SCAMP1: variants seen among roughly 807,000 people sequenced by gnomAD.
SCAMP1 encodes secretory carrier membrane protein 1, also known as secretory carrier-associated membrane protein 1.
SCAMP1 carries 15 observed loss-of-function variants against 41.8 expected under a neutral mutation model. The ratio of observed to expected loss-of-function variants is 0.36; its 90% CI spans 0.24 to 0.55. SCAMP1 has a LOEUF of 0.55. Among genes scored for constraint, SCAMP1 ranks in the 20% least tolerant of loss-of-function variants. The pLI is 0.86. For synonymous variants in SCAMP1, 135 were observed against 136.8 expected, an observed-to-expected ratio of 0.99 and a Z score of 0.09; for missense variants, 341 against 412.6, an observed-to-expected ratio of 0.83 and a Z score of 1.50.
At chr5:78,419,348 T>C (rs937321681) in intron 5 of SCAMP1, among the ~76,000 whole-genome samples, 16 of 152,246 alleles carry the variant, frequency 1.1e-4, no homozygotes, top group Non-Finnish European at 1.8e-4. Flanking sequence ...GTGTTCTTTT[T>C]ATAGCTTTGA....
intron 8 of SCAMP1, among the ~76,000 whole-genome samples, chr5:78,469,474 C>CAAAA (rs749920453): frequency 7.4e-6 from 1 of 135,862 alleles, no homozygotes; most frequent in Non-Finnish European, 1.6e-5. Context: ...GTATATTCAC[C>CAAAA]AAAAAAAAAA....
At chr5:78,375,287 A>T (rs1751039007) in intron 1 of SCAMP1, among the ~76,000 whole-genome samples, 1 of 152,112 alleles carries the variant, frequency 6.6e-6, no homozygotes, top group Non-Finnish European at 1.5e-5. Flanking sequence ...AAATTTCTTT[A>T]TTGCATTTTC....
intron 1 of SCAMP1, among the ~76,000 whole-genome samples, chr5:78,383,430 G>C (rs928708567): frequency 6.6e-6 from 1 of 152,042 alleles, no homozygotes; most frequent in Non-Finnish European, 1.5e-5. Flanking sequence ...AAGCTTTTTA[G>C]TTTAATTAAG....
At chr5:78,427,585 A>T (rs1752499600) in intron 6 of SCAMP1, among the ~76,000 whole-genome samples, 1 of 152,024 alleles carries the variant, frequency 6.6e-6, no homozygotes, top group African/African-American at 2.4e-5. Context: ...CTTTTTTTTT[A>T]AAACGTGTCT....
chr5:78,461,727 C>A (rs1456030819), intron 8 of SCAMP1, among the ~76,000 whole-genome samples: 1 of 152,092 alleles, frequency 6.6e-6, no homozygotes, highest in Admixed American at 6.5e-5. Context: ...CCATGCCTGG[C>A]TGATTTTTGT....
intron 1 of SCAMP1, among the ~76,000 whole-genome samples, chr5:78,382,779 G>T (rs916003137): frequency 2.5e-5 from 1 of 39,996 alleles, no homozygotes; most frequent in East Asian, 1.3e-3. Flanking sequence ...ATTCCATGGT[G>T]TGTGTGTGTG....
intron 2 of SCAMP1, among the ~76,000 whole-genome samples, chr5:78,407,271 T>C (rs1751957482): frequency 6.6e-6 from 1 of 152,176 alleles, no homozygotes; most frequent in South Asian, 2.1e-4. Context: ...TTTTCAGTAT[T>C]TATTGTTATT....
At chr5:78,376,999 T>TC (rs1388438456) in intron 1 of SCAMP1, among the ~76,000 whole-genome samples, 1 of 152,016 alleles carries the variant, frequency 6.6e-6, no homozygotes, top group Non-Finnish European at 1.5e-5. Context: ...AAGAAGATTT[T>TC]CCCCCCTACC....
intron 2 of SCAMP1, among the ~76,000 whole-genome samples, chr5:78,393,184 A>G (rs756745488): frequency 1.3e-5 from 2 of 152,166 alleles, no homozygotes; most frequent in Non-Finnish European, 2.9e-5. Context: ...ATATACATAT[A>G]TATATATTTA....
intron 2 of SCAMP1, among the ~76,000 whole-genome samples, chr5:78,391,657 G>A (rs1436256277): frequency 6.6e-6 from 1 of 152,208 alleles, no homozygotes; most frequent in African/African-American, 2.4e-5. Context: ...AAGGCAGGCG[G>A]CTGGGAGGTG....
chr5:78,469,505 ATT>A (rs1012863813), intron 8 of SCAMP1, among the ~76,000 whole-genome samples: 5 of 151,836 alleles, frequency 3.3e-5, no homozygotes, highest in African/African-American at 4.8e-5. Flanking sequence ...CCCAATTTTA[ATT>A]TTGTTACCTT....
At chr5:78,469,890 T>TAAAAAAAA (rs141989832) in intron 8 of SCAMP1, among the ~76,000 whole-genome samples, 21 of 15,010 alleles carry the variant, frequency 1.4e-3, no homozygotes, top group Non-Finnish European at 2.4e-3. Context: ...TACAAGACAT[T>TAAAAAAAA]AAAAAAAAAA....
intron 8 of SCAMP1, among the ~76,000 whole-genome samples, chr5:78,462,138 A>G (rs895619294): frequency 4.6e-5 from 7 of 151,132 alleles, no homozygotes; most frequent in South Asian, 2.1e-4. Context: ...GTGATTTGCA[A>G]TTCTTCTTAT....
chr5:78,386,367 T>C (rs1751341378), intron 1 of SCAMP1, among the ~76,000 whole-genome samples: 1 of 152,150 alleles, frequency 6.6e-6, no homozygotes, highest in African/African-American at 2.4e-5. Flanking sequence ...GGTGAGTCTC[T>C]TGAAGACAGC....
At position 78,415,623 on chromosome 5, in the gene SCAMP1, G is replaced by GT; in HGVS notation, c.234+7dup. On this transcript the variant is annotated splice_donor_region_variant and intron_variant, in intron 3 of 8. Transcript: ENST00000621999. The stretch of plus-strand genomic sequence containing the variant: ...GCTTATACACAGATTGCAAAGGTTA[G>GT]TTCATGTTAGTTGTATAAATTCATA... 6.5e-7 allele frequency: 1 copy of GT among 1,530,066 alleles called. No individual in the cohort carries two copies. The highest frequency in any genetic ancestry group is 9.0e-7 in the Non-Finnish European group (1 of 1,115,220). 94.8% of individuals were successfully genotyped at this position (1,530,066 alleles called of 1,614,324 possible). A position where few individuals can be genotyped will look rare whatever the true frequency, so the allele number is the denominator to read the frequency against.
intron 5 of SCAMP1, among the ~76,000 whole-genome samples, chr5:78,420,893 T>A (rs751150191): frequency 6.6e-6 from 1 of 152,208 alleles, no homozygotes; most frequent in Non-Finnish European, 1.5e-5. Flanking sequence ...TCCCAGTTGT[T>A]AATTTTAATT....
chr5:78,382,507 G>A (rs1751228344), intron 1 of SCAMP1, among the ~76,000 whole-genome samples: 1 of 152,012 alleles, frequency 6.6e-6, no homozygotes, highest in African/African-American at 2.4e-5. Context: ...TGAGATTTTG[G>A]TGCACCTGTC....
At chr5:78,444,888 C>T (rs1030909980) in intron 6 of SCAMP1, among the ~76,000 whole-genome samples, 4 of 152,156 alleles carry the variant, frequency 2.6e-5, no homozygotes, top group Admixed American at 1.3e-4. Flanking sequence ...TCCACTGTTA[C>T]CCCCATTTTG....
chr5:78,388,942 T>C, intron 2 of SCAMP1, 28 bp downstream of exon 2: 1 of 1,150,544 alleles, frequency 8.7e-7, no homozygotes. Context: ...TTTAAATGTT[T>C]AAATTGAAAT....
Sources: allele counts gnomAD v4.1 joint callset (sites outside exome capture counted in the v4.1 genomes callset), GRCh38; gene constraint gnomAD v4.1.1; transcripts MANE v1.5; gene names NCBI Gene and HGNC (gene_info 2026-07-23, HGNC 2026-07-21).